IQGAP2: variants seen among roughly 807,000 people sequenced by gnomAD.
The protein encoded by IQGAP2 is ras GTPase-activating-like protein IQGAP2.
Under a neutral mutation model 201.3 loss-of-function variants are expected in IQGAP2, and 173 were observed. The ratio of observed to expected loss-of-function variants is 0.86; its 90% confidence interval spans 0.76 to 0.98. The LOEUF (loss-of-function observed/expected upper bound fraction) is 0.98, where lower values mean the gene tolerates loss of function less well. IQGAP2 is among the 50% of genes least tolerant of loss of function. The pLI, the probability that IQGAP2 is intolerant of heterozygous loss-of-function variation, is 0.00. For synonymous variants in IQGAP2, 675 were observed against 673.9 expected (o/e 1.00, Z -0.03); for missense variants, 1,687 against 1,864.8 (o/e 0.90, Z 1.76).
chr5:76,707,966 CATAG>C lies in IQGAP2; in HGVS notation c.*658_*661del, dbSNP rs1201994158. The C allele has an allele frequency of 2.6e-5, 4 of 152,628 alleles. No individual in the cohort carries two copies. The East Asian group carries it at 5.8e-4, about 22-fold the overall frequency. The allele number at this position is 152,628 out of a possible 1,614,324, so 9.5% of individuals were successfully genotyped here. On this transcript the variant is annotated 3_prime_UTR_variant, in exon 36 of 36. Coordinates refer to ENST00000274364, the MANE Select transcript of IQGAP2 (RefSeq NM_006633.5). ...GAGCCTTTAAGTGACTAAGGAACAA[CATAG>C]ATAGTGAGCATAGTCCCCACCTCCA...
chr5:76,411,092 A>G (rs72775764), intron 1 of IQGAP2, among the ~76,000 whole-genome samples: 9,757 of 152,184 alleles, frequency 0.064, 385 homozygotes, highest in Middle Eastern at 0.13. Flanking sequence ...CCCCACTCAG[A>G]CCTGCCAAAT....
At chr5:76,593,265 A>G (rs1009926294) in intron 9 of IQGAP2, among the ~76,000 whole-genome samples, 1 of 152,220 alleles carries the variant, frequency 6.6e-6, no homozygotes, top group African/African-American at 2.4e-5. Context: ...TTGCTTGCCC[A>G]TGATTATGCG....
At chr5:76,699,803 C>T (rs1303668355) in intron 33 of IQGAP2, among the ~76,000 whole-genome samples, 2 of 1,100 alleles carry the variant, frequency 1.8e-3, no homozygotes, top group Non-Finnish European at 5.0e-3. Context: ...CTTTCTGTTT[C>T]TCTCTCTCTC....
At chr5:76,630,101 T>C (rs1750576542) in intron 14 of IQGAP2, among the ~76,000 whole-genome samples, 1 of 152,168 alleles carries the variant, frequency 6.6e-6, no homozygotes, top group African/African-American at 2.4e-5. Context: ...GGTTGTGACT[T>C]AGAGCACATC....
At chr5:76,452,617 C>T in intron 1 of IQGAP2, among the ~76,000 whole-genome samples, 1 of 152,134 alleles carries the variant, frequency 6.6e-6, no homozygotes, top group East Asian at 1.9e-4. Context: ...CAAATTCACA[C>T]AAATCTATCT....
intron 2 of IQGAP2, among the ~76,000 whole-genome samples, chr5:76,489,541 A>C (rs1756401200): frequency 6.6e-6 from 1 of 152,002 alleles, no homozygotes; most frequent in Admixed American, 6.6e-5. Context: ...GGCTCATTGC[A>C]ACCTCCGCCT....
Position 76,489,625 on chromosome 5 carries a change from C to G in IQGAP2, c.146+27956C>G, listed in dbSNP as rs1306185723. Among the ~76,000 whole-genome samples, 4 of 152,128 alleles carry G rather than the reference C, an allele frequency of 2.6e-5. No individual in the cohort carries two copies. In the East Asian group the frequency reaches 7.7e-4, roughly 29 times the overall value. On this transcript the variant is annotated intron_variant, in intron 2 of 35. Coordinates refer to ENST00000274364, the MANE Select transcript of IQGAP2 (RefSeq NM_006633.5). ...TACAGGTGCACACCTCCATGCCAGG[C>G]TAACTCTTTTGGATTTTTTTAGTAG... is the stretch of plus-strand genomic sequence containing the variant.
In IQGAP2 at chr5:76,658,560, A is replaced by G; in HGVS notation, c.2422A>G (p.Arg808Gly). 1 of 1,614,112 alleles carries G rather than the reference A, an allele frequency of 6.2e-7. No homozygotes were observed. Among genetic ancestry groups the G allele is most frequent in the Non-Finnish European group, 8.5e-7 (1 of 1,180,000 alleles). ...FQEELEVARLREEVVTKIRAN... is the reference protein window; with the variant it reads ...FQEELEVARLGEEVVTKIRAN... ...GGAGGAACTAGAGGTTGCACGATTA[A>G]GGGAAGAAGTAGTGACCAAGATCAG... Residue 808 changes from arginine to glycine, a missense_variant, in exon 21 of 36, where the codon AGG becomes GGG. Coordinates refer to ENST00000274364, the MANE Select transcript of IQGAP2 (RefSeq NM_006633.5).
chr5:76,492,563 G>A (rs1445075888), intron 2 of IQGAP2, among the ~76,000 whole-genome samples: 1 of 152,184 alleles, frequency 6.6e-6, no homozygotes, highest in Non-Finnish European at 1.5e-5. Flanking sequence ...AAGGAAGAAA[G>A]GAATCCCAGA....
At chr5:76,442,929 A>C (rs1203957528) in intron 1 of IQGAP2, among the ~76,000 whole-genome samples, 1 of 152,182 alleles carries the variant, frequency 6.6e-6, no homozygotes, top group African/African-American at 2.4e-5. Flanking sequence ...AGAGGTTGCA[A>C]TAAGGCAAGA....
chr5:76,486,189 A>G (rs576127363), intron 2 of IQGAP2, among the ~76,000 whole-genome samples: 2 of 152,360 alleles, frequency 1.3e-5, no homozygotes, highest in Non-Finnish European at 2.9e-5. Context: ...CTGAACCTTC[A>G]TGAAGAAAGT....
Position 76,703,653 on chromosome 5 carries a change from CAAA to C in IQGAP2, c.4614+1076_4614+1078del, listed in dbSNP as rs60408771. On this transcript the variant is annotated intron_variant, in intron 35 of 35. Transcript: ENST00000274364. ...AAAACCGAGAAATCCAGTTTCTGTG[CAAA>C]AAAAAAAAAAAAGAGAGCACTGCAA... is the stretch of plus-strand genomic sequence containing the variant. Among the ~76,000 whole-genome samples the C allele has an allele frequency of 2.0e-4, 27 of 135,716 alleles. 1 individual carries two copies. The highest frequency in any genetic ancestry group is 4.6e-4 in the African/African-American group (17 of 36,694). The allele number at this position is 135,716 out of a possible 152,430, so 89.0% of individuals were successfully genotyped here.
At chr5:76,493,968 G>C (rs1181273115) in intron 2 of IQGAP2, among the ~76,000 whole-genome samples, 1 of 152,144 alleles carries the variant, frequency 6.6e-6, no homozygotes, top group Non-Finnish European at 1.5e-5. Context: ...ATGTGATGTA[G>C]TATTTGCATA....
At chr5:76,637,279 ATCTGAAG>A (rs1209794157) in intron 16 of IQGAP2, 103 bp downstream of exon 16, 6 of 897,140 alleles carry the variant, frequency 6.7e-6, no homozygotes, top group Non-Finnish European at 9.9e-6. Context: ...TAACTGATTT[ATCTGAAG>A]TCTGGATATG....
intron 9 of IQGAP2, 104 bp from the exon 10 acceptor site, chr5:76,597,335 A>T (rs963832370): frequency 8.5e-7 from 1 of 1,177,188 alleles, no homozygotes; most frequent in Admixed American, 2.3e-5. Flanking sequence ...AGAGTTCATG[A>T]AAAGTAACTG....
intron 1 of IQGAP2, among the ~76,000 whole-genome samples, chr5:76,424,167 G>A (rs1474755540): frequency 2.0e-5 from 3 of 152,148 alleles, no homozygotes; most frequent in Admixed American, 1.3e-4. Flanking sequence ...TGTAGAATTC[G>A]TGAGGGGCTT....
intron 5 of IQGAP2, 26 bp downstream of exon 5, chr5:76,575,795 T>C: frequency 7.4e-7 from 1 of 1,347,476 alleles, no homozygotes; most frequent in Non-Finnish European, 1.0e-6. Context: ...AGCTAAAAGG[T>C]GCTCTAAGAA....
intron 1 of IQGAP2, among the ~76,000 whole-genome samples, chr5:76,438,285 G>T (rs951269129): frequency 5.3e-5 from 8 of 151,892 alleles, no homozygotes; most frequent in Non-Finnish European, 2.9e-5. Context: ...GTCTTTTCAG[G>T]ATTTCTGTCT....
At chr5:76,513,079 G>A (rs921587701) in intron 2 of IQGAP2, among the ~76,000 whole-genome samples, 4 of 151,206 alleles carry the variant, frequency 2.6e-5, no homozygotes, top group African/African-American at 9.7e-5. Flanking sequence ...AAAGAAAAAA[G>A]AAAAGAAATG....
Sources: allele counts gnomAD v4.1 joint callset (sites outside exome capture counted in the v4.1 genomes callset), GRCh38; gene constraint gnomAD v4.1.1; transcripts MANE v1.5; gene names NCBI Gene and HGNC (gene_info 2026-07-23, HGNC 2026-07-21).